PRH1: variants seen among roughly 807,000 people sequenced by gnomAD.
PRH1 encodes proline rich protein HaeIII subfamily 1, also known as salivary acidic proline-rich phosphoprotein 1/2.
PRH1 carries 7 observed loss-of-function variants against 7.9 expected under a neutral mutation model. The observed-to-expected ratio is 0.89, with a 90% confidence interval of 0.50 to 1.67. The LOEUF is 1.67. Ranked by LOEUF, PRH1 falls within the 40% of genes most tolerant of loss-of-function variation. PRH1 has a pLI of 0.00. For missense variants in PRH1, 109 were observed against 223.6 expected (o/e 0.49, Z 3.27); for synonymous variants, 45 against 80.8 (o/e 0.56, Z 2.38).
rs183046712 is a variant in PRH1 at position 11,034,971 on chromosome 12, T to G, written c.-126+12049A>C. 8.5e-5 allele frequency: 13 copies of G among 152,256 alleles called. No homozygotes were observed. In the East Asian group the frequency reaches 2.5e-3, roughly 29 times the overall value. 9.4% of individuals were successfully genotyped at this position (152,256 alleles called of 1,614,324 possible). ...TATTTTAAGTTTCTGTTTATCAAGA[T>G]CTATTCTACTTTTGAAATACACTGA... is the stretch of plus-strand genomic sequence containing the variant. On this transcript the variant is annotated intron_variant, in intron 1 of 3. Coordinates refer to the PRH1 transcript ENST00000539853.
chr12:11,021,688 C>T, intron 1 of PRH1: 1 of 1,610,660 alleles, frequency 6.2e-7, no homozygotes, highest in Non-Finnish European at 8.5e-7. Context: ...TGTCATCTGC[C>T]ACAAAACTGA....
chr12:11,010,415 T>G (rs1476603454), intron 1 of PRH1, among the ~76,000 whole-genome samples: 1 of 151,904 alleles, frequency 6.6e-6, no homozygotes, highest in Non-Finnish European at 1.5e-5. Context: ...TATTTTAATT[T>G]TTCTTCATGG....
intron 1 of PRH1, chr12:11,133,361 C>G (rs772868082): frequency 1.9e-6 from 3 of 1,613,858 alleles, no homozygotes; most frequent in Non-Finnish European, 2.5e-6. Flanking sequence ...CCTCACATGC[C>G]GCAAAACTGA....
chr12:11,147,065 T>C (rs1293035440), intron 1 of PRH1, among the ~76,000 whole-genome samples: 1 of 152,228 alleles, frequency 6.6e-6, no homozygotes, highest in African/African-American at 2.4e-5. Context: ...TATGTATTTT[T>C]CAAGTCATTT....
downstream of PRH1, among the ~76,000 whole-genome samples, chr12:11,118,490 A>G (rs1945793625): frequency 7.4e-6 from 1 of 134,666 alleles, no homozygotes; most frequent in African/African-American, 2.4e-5. Flanking sequence ...AATTAGTAAA[A>G]CCACTATGGA....
chr12:10,990,183 C>T (rs1939863569), intron 1 of PRH1, among the ~76,000 whole-genome samples: 1 of 152,158 alleles, frequency 6.6e-6, no homozygotes, highest in Non-Finnish European at 1.5e-5. Flanking sequence ...CTATAGAGAA[C>T]TCATGACAAA....
chr12:10,921,354 T>C (rs895127493), intron 2 of PRH1, among the ~76,000 whole-genome samples: 4 of 152,122 alleles, frequency 2.6e-5, no homozygotes, highest in African/African-American at 7.2e-5. Context: ...AAATTGTTGA[T>C]TTATTAAAGT....
chr12:11,165,092 G>A (rs1180762894), intron 1 of PRH1, among the ~76,000 whole-genome samples: 1 of 152,034 alleles, frequency 6.6e-6, no homozygotes, highest in Non-Finnish European at 1.5e-5. Context: ...ATTCTTTTTT[G>A]TTGCTGAGTA....
chr12:11,069,214 A>C (rs76878638), intron 1 of PRH1, among the ~76,000 whole-genome samples: 64,462 of 120,552 alleles, frequency 0.53, 13,924 homozygotes, highest in Non-Finnish European at 0.62. Flanking sequence ...ACAGCATCCA[A>C]CCTGGTACTG....
chr12:11,031,861 T>C (rs1348183141), intron 1 of PRH1, among the ~76,000 whole-genome samples: 1 of 152,220 alleles, frequency 6.6e-6, no homozygotes, highest in African/African-American at 2.4e-5. Flanking sequence ...GCTCGCTTCA[T>C]CTCTCAATGT....
intron 1 of PRH1, chr12:11,097,115 CA>C: frequency 6.5e-6 from 1 of 154,330 alleles, no homozygotes; most frequent in Non-Finnish European, 1.5e-5. Context: ...TTTTAATTAG[CA>C]AAAATCAAAA....
intron 1 of PRH1, among the ~76,000 whole-genome samples, chr12:11,132,084 T>C (rs548189761): frequency 6.6e-6 from 1 of 151,678 alleles, no homozygotes; most frequent in East Asian, 1.9e-4. Flanking sequence ...ACAACATTGT[T>C]AAAATTTCAT....
chr12:10,945,543 G>A (rs1432340453), intron 2 of PRH1, among the ~76,000 whole-genome samples: 1 of 152,066 alleles, frequency 6.6e-6, no homozygotes, highest in Non-Finnish European at 1.5e-5. Flanking sequence ...GCTTCACTAG[G>A]TAATAAAATA....
At chr12:10,929,274 A>G in intron 2 of PRH1, 1 of 1,614,172 alleles carries the variant, frequency 6.2e-7, no homozygotes, top group Non-Finnish European at 8.5e-7. Flanking sequence ...CTTCTGCAAG[A>G]TGCTTCTGAT....
intron 2 of PRH1, among the ~76,000 whole-genome samples, chr12:10,963,244 TC>T (rs1264870031): frequency 6.6e-6 from 1 of 152,246 alleles, no homozygotes; most frequent in Non-Finnish European, 1.5e-5. Flanking sequence ...ATACATTTTT[TC>T]CTATAATAGA....
intron 2 of PRH1, among the ~76,000 whole-genome samples, chr12:10,954,515 C>T (rs1203901453): frequency 6.6e-6 from 1 of 152,106 alleles, no homozygotes; most frequent in Non-Finnish European, 1.5e-5. Flanking sequence ...TTGCCCAGGC[C>T]ATAGTGCAGT....
intron 2 of PRH1, among the ~76,000 whole-genome samples, chr12:10,944,693 G>T (rs1250488451): frequency 6.6e-6 from 1 of 152,114 alleles, no homozygotes; most frequent in African/African-American, 2.4e-5. Flanking sequence ...TTGGGTGTGG[G>T]TTTATCATAG....
intron 1 of PRH1, chr12:11,091,756 A>C (rs1428905989): frequency 3.7e-6 from 5 of 1,333,812 alleles, no homozygotes; most frequent in Non-Finnish European, 5.3e-6. Flanking sequence ...TGTTTCCTTC[A>C]AATTCTTTTG....
intron 1 of PRH1, among the ~76,000 whole-genome samples, chr12:11,109,542 C>T (rs1186862676): frequency 2.0e-5 from 3 of 152,104 alleles, no homozygotes; most frequent in African/African-American, 4.8e-5. Context: ...CTGGAGTGGA[C>T]CTCCAGCAAA....
Sources: gnomAD v4.1 joint callset for allele counts (sites outside exome capture counted in the v4.1 genomes callset) on GRCh38, gnomAD v4.1.1 for gene constraint, MANE v1.5 for transcripts, NCBI Gene and HGNC (gene_info 2026-07-23, HGNC 2026-07-21) for gene names.